Variants in UBE2N observed in about 807,000 individuals in gnomAD.
UBE2N encodes the protein ubiquitin-conjugating enzyme E2 N.
For synonymous variants in UBE2N, 70 were observed against 69.2 expected (o/e 1.01, Z -0.06); for missense variants, 60 against 192.1 (o/e 0.31, Z 4.07).
intron 1 of UBE2N, among the ~76,000 whole-genome samples, chr12:93,421,146 C>T (rs557386193): frequency 4.7e-5 from 7 of 147,926 alleles, no homozygotes; most frequent in Non-Finnish European, 1.0e-4. Flanking sequence ...ATCCAAGCTG[C>T]TGGGCTCTAT....
chr12:93,406,590 A>C lies in UBE2N; in HGVS notation c.*3449T>G, dbSNP rs909179098. ...ATGGGTTCCACTTCCGTGGATTCAA[A>C]CAACCAGACAAAATATTCCAAAAAA... On this transcript the variant is annotated 3_prime_UTR_variant, in exon 4 of 4. Transcript: ENST00000318066. The C allele has an allele frequency of 9.2e-5, 14 of 152,374 alleles. No individual in the cohort carries two copies. The highest frequency in any genetic ancestry group is 3.9e-4 in the East Asian group (2 of 5,194). 9.4% of individuals were successfully genotyped at this position (152,374 alleles called of 1,614,324 possible).
chr12:93,437,885 C>T (rs568660283), intron 1 of UBE2N, among the ~76,000 whole-genome samples: 99 of 152,250 alleles, frequency 6.5e-4, no homozygotes, highest in South Asian at 1.9e-3. Flanking sequence ...CCTTCAGAGC[C>T]TTTCAAATGT....
intron 1 of UBE2N, among the ~76,000 whole-genome samples, chr12:93,421,211 G>GGGA (rs1878397997): frequency 6.8e-6 from 1 of 147,920 alleles, no homozygotes; most frequent in African/African-American, 2.5e-5. Flanking sequence ...TTTTTTTGGG[G>GGGA]GGGCTGGGGG....
intron 1 of UBE2N, among the ~76,000 whole-genome samples, chr12:93,441,541 C>A (rs1031454446): frequency 2.9e-4 from 44 of 152,042 alleles, no homozygotes; most frequent in East Asian, 1.5e-3. Flanking sequence ...TGGAGGCCCG[C>A]GCCCAAGCCC....
At chr12:93,417,284 GAC>G (rs760949679) in intron 1 of UBE2N, among the ~76,000 whole-genome samples, 4 of 152,142 alleles carry the variant, frequency 2.6e-5, no homozygotes, top group Non-Finnish European at 4.4e-5. Context: ...GCAAACCCTA[GAC>G]TCACACTACT....
In UBE2N at chr12:93,408,286, T is replaced by C. The variant is rs927754344; in HGVS notation, c.*1753A>G. On this transcript the variant is annotated 3_prime_UTR_variant, in exon 4 of 4. Coordinates refer to ENST00000318066, the MANE Select transcript of UBE2N (RefSeq NM_003348.4). ...TTACAATATTAGGGTTGTTAACTAT[T>C]TCATTCTGAATTAAGCTAACATTTG... The C allele has an allele frequency of 2.6e-5, 4 of 152,250 alleles. No individual in the cohort carries two copies. The highest frequency in any genetic ancestry group is 4.4e-5 in the Non-Finnish European group (3 of 68,048). 9.4% of individuals were successfully genotyped at this position (152,250 alleles called of 1,614,324 possible).
In UBE2N at chr12:93,441,879, G is replaced by C. The variant is rs1449821430; in HGVS notation, c.6C>G (p.Ala2=). The C allele has an allele frequency of 6.3e-7, 1 of 1,577,794 alleles. No homozygotes were observed. The highest frequency in any genetic ancestry group is 8.6e-7 in the Non-Finnish European group (1 of 1,164,638). Reference sequence around the variant, plus strand: ...CCTTGATGATCCTGCGGGGCAGCCCGGCCATCTTGTCAGAACCCGAGTTCG... The same window carrying C: ...CCTTGATGATCCTGCGGGGCAGCCCCGCCATCTTGTCAGAACCCGAGTTCG... M[A]GLPRRIIKET... The change falls in exon 1 of 4, where the codon GCC becomes GCG. Residue 2 remains alanine, a synonymous_variant. Coordinates refer to ENST00000318066, the MANE Select transcript of UBE2N (RefSeq NM_003348.4).
At chr12:93,432,208 G>A (rs1878791421) in intron 1 of UBE2N, among the ~76,000 whole-genome samples, 1 of 152,126 alleles carries the variant, frequency 6.6e-6, no homozygotes, top group Non-Finnish European at 1.5e-5. Context: ...TCCAGCCTGG[G>A]CCACAGAAAT....
At position 93,421,241 on chromosome 12, in the gene UBE2N, A is replaced by G. The variant is rs563439045; in HGVS notation, c.31-9942T>C. 1.1e-4 allele frequency among the ~76,000 whole-genome samples: 17 copies of G among 150,200 alleles called. No homozygotes were observed. The South Asian group carries it at 1.5e-3, about 13-fold the overall frequency. On this transcript the variant is annotated intron_variant, in intron 1 of 3. Coordinates refer to ENST00000318066, the MANE Select transcript of UBE2N (RefSeq NM_003348.4). ...TGGGGGGACAGATTCTCACTCTGTC[A>G]CCCAGGCTGGAGTGCAGTGATACAA... is the stretch of plus-strand genomic sequence containing the variant.
intron 1 of UBE2N, among the ~76,000 whole-genome samples, chr12:93,426,982 C>G (rs1379961508): frequency 6.6e-6 from 1 of 151,900 alleles, no homozygotes; most frequent in African/African-American, 2.4e-5. Context: ...TGCAGTGGCA[C>G]GATCTCGGCT....
At chr12:93,414,931 T>C (rs74543391) in intron 1 of UBE2N, among the ~76,000 whole-genome samples, 1,878 of 152,322 alleles carry the variant, frequency 0.012, 41 homozygotes, top group East Asian at 0.1. Flanking sequence ...CCTGGCACAA[T>C]AGATATTCAA....
Position 93,407,801 on chromosome 12 carries a change from C to T in UBE2N, c.*2238G>A, listed in dbSNP as rs1278499398. The stretch of plus-strand genomic sequence containing the variant: ...GTTTTCAACTGCTGCCTTGGCCTCT[C>T]CCAGAGCCCCTTAAGTCCTAAGAAG... On this transcript the variant is annotated 3_prime_UTR_variant, in exon 4 of 4. Coordinates refer to ENST00000318066, the MANE Select transcript of UBE2N (RefSeq NM_003348.4). 2 of 152,224 alleles carry T rather than the reference C, an allele frequency of 1.3e-5. No homozygotes were observed. Among genetic ancestry groups the T allele is most frequent in the Non-Finnish European group, 2.9e-5 (2 of 68,044 alleles). The allele number at this position is 152,224 out of a possible 1,614,324, so 9.4% of individuals were successfully genotyped here. A position where few individuals can be genotyped will look rare whatever the true frequency, so the allele number is the denominator to read the frequency against.
At chr12:93,413,230 T>TAACTTCCTATA (rs961334781) in intron 1 of UBE2N, among the ~76,000 whole-genome samples, 3 of 152,228 alleles carry the variant, frequency 2.0e-5, no homozygotes, top group Non-Finnish European at 4.4e-5. Flanking sequence ...AAGCTTTATC[T>TAACTTCCTATA]AACTTCCTAT....
At chr12:93,441,465 C>A (rs1263092861) in intron 1 of UBE2N, among the ~76,000 whole-genome samples, 1 of 152,128 alleles carries the variant, frequency 6.6e-6, no homozygotes, top group African/African-American at 2.4e-5. Context: ...CCCCACCAGG[C>A]GCCCGAGCCC....
rs1877965386 is a variant in UBE2N, at chr12:93,409,385, C to T, written c.*654G>A. On this transcript the variant is annotated 3_prime_UTR_variant, in exon 4 of 4. Coordinates refer to ENST00000318066, the MANE Select transcript of UBE2N (RefSeq NM_003348.4). Reference sequence around the variant, plus strand: ...AATAACAAAAAATATTTTACTAAAACATAAGATTTACAGAAGTTTCCAGAC... The same window carrying T: ...AATAACAAAAAATATTTTACTAAAATATAAGATTTACAGAAGTTTCCAGAC... 1 of 166,238 alleles carries T rather than the reference C, an allele frequency of 6.0e-6. No homozygotes were observed. The highest frequency in any genetic ancestry group is 6.5e-5 in the Admixed American group (1 of 15,270). The allele number at this position is 166,238 out of a possible 1,614,324, so 10.3% of individuals were successfully genotyped here.
chr12:93,417,886 G>A (rs1192005807), intron 1 of UBE2N, among the ~76,000 whole-genome samples: 5 of 151,978 alleles, frequency 3.3e-5, no homozygotes, highest in East Asian at 3.8e-4. Context: ...TAAAACAAAC[G>A]GGCTCCTTTT....
In UBE2N at chr12:93,440,111, T is replaced by C. The variant is rs149473522; in HGVS notation, c.30+1744A>G. On this transcript the variant is annotated intron_variant, in intron 1 of 3. Coordinates refer to ENST00000318066, the MANE Select transcript of UBE2N (RefSeq NM_003348.4). ...TGCGTGTTAAATGTTTAGTTCACTATGTATTTCAGAGAATTATCATGAATG... is the reference window on the plus strand; with the variant it reads ...TGCGTGTTAAATGTTTAGTTCACTACGTATTTCAGAGAATTATCATGAATG... Among the ~76,000 whole-genome samples, 37 of 152,364 alleles carry C rather than the reference T, an allele frequency of 2.4e-4. No homozygotes were observed. In the East Asian group the frequency reaches 7.1e-3, roughly 29 times the overall value.
chr12:93,416,766 G>A (rs1878225091), intron 1 of UBE2N, among the ~76,000 whole-genome samples: 1 of 149,550 alleles, frequency 6.7e-6, no homozygotes, highest in Non-Finnish European at 1.5e-5. Context: ...TGTAATCCCT[G>A]CACTTTGGGA....
Position 93,409,876 on chromosome 12 carries a change from A to G in UBE2N, c.*163T>C. On this transcript the variant is annotated 3_prime_UTR_variant, in exon 4 of 4. Transcript: ENST00000318066. ...ATGCTTTATGACAGTGAATCAGGAC[A>G]AGACATAGATTTGCTAATGTGCATT... 2.9e-6 allele frequency: 2 copies of G among 688,550 alleles called. No individual in the cohort carries two copies. Among genetic ancestry groups the G allele is most frequent in the South Asian group, 3.4e-5 (2 of 59,600 alleles). 42.7% of individuals were successfully genotyped at this position (688,550 alleles called of 1,614,324 possible).
Sources: allele counts gnomAD v4.1 joint callset (sites outside exome capture counted in the v4.1 genomes callset), GRCh38; gene constraint gnomAD v4.1.1; transcripts MANE v1.5; gene names NCBI Gene and HGNC (gene_info 2026-07-23, HGNC 2026-07-21).